The following TRAPPC9 variants were observed in gnomAD, a reference collection of about 807,000 sequenced individuals.
TRAPPC9 encodes the protein IKK2 binding protein.
TRAPPC9 carries 83 observed loss-of-function variants against 124.0 expected under a neutral mutation model. The observed-to-expected ratio is 0.67, with a 90% CI of 0.56 to 0.80. TRAPPC9 has a LOEUF of 0.80. TRAPPC9 is among the 30% of genes least tolerant of loss of function. The pLI is 0.00. For missense variants in TRAPPC9, 1,302 were observed against 1,508.3 expected (o/e 0.86, Z 2.27); for synonymous variants, 638 against 617.5 (o/e 1.03, Z -0.49).
chr8:140,009,779 C>T (rs371473228), intron 18 of TRAPPC9, among the ~76,000 whole-genome samples: 1 of 152,240 alleles, frequency 6.6e-6, no homozygotes, highest in Non-Finnish European at 1.5e-5. Context: ...TTGCTGTCTA[C>T]ACAACCTGCT....
rs565338316 is a variant in TRAPPC9 at position 139,742,263 on chromosome 8, C to G, written c.3056-10061G>C. On this transcript the variant is annotated intron_variant, in intron 21 of 22. Transcript: ENST00000438773. The surrounding 1 kb of genome is among the most constrained non-coding windows in gnomAD (Gnocchi z 4.7). ...TCACGTGCGTTCTCCCGATCTACCC[C>G]CAACCGGCCATGCTGCCGGCGCTCA... 4.6e-5 allele frequency among the ~76,000 whole-genome samples: 7 copies of G among 152,338 alleles called. No individual in the cohort carries two copies. The South Asian group carries it at 1.0e-3, about 23-fold the overall frequency.
intron 11 of TRAPPC9, among the ~76,000 whole-genome samples, chr8:140,294,903 C>A (rs778142812): frequency 5.3e-5 from 8 of 152,194 alleles, no homozygotes; most frequent in Non-Finnish European, 7.3e-5. Context: ...TGAGCCACCA[C>A]ACCCAGCCTG....
chr8:139,939,657 G>A (rs1833778259), intron 19 of TRAPPC9, among the ~76,000 whole-genome samples: 1 of 152,260 alleles, frequency 6.6e-6, no homozygotes, highest in South Asian at 2.1e-4. Flanking sequence ...GTCGCTGGGG[G>A]CTCTGTGCCT....
At chr8:140,037,369 A>T (rs1368131999) in intron 17 of TRAPPC9, among the ~76,000 whole-genome samples, 1 of 152,150 alleles carries the variant, frequency 6.6e-6, no homozygotes, top group Non-Finnish European at 1.5e-5. Context: ...TCAGTATTCA[A>T]CAGTGAGAAA....
chr8:139,980,766 G>T (rs866820784), intron 19 of TRAPPC9, among the ~76,000 whole-genome samples: 3 of 152,208 alleles, frequency 2.0e-5, no homozygotes, highest in Non-Finnish European at 4.4e-5. Context: ...GTTCATCTCA[G>T]CCCAGCAAGT....
chr8:139,913,759 C>T (rs1831915824), intron 19 of TRAPPC9, among the ~76,000 whole-genome samples: 1 of 152,212 alleles, frequency 6.6e-6, no homozygotes, highest in Non-Finnish European at 1.5e-5. Context: ...CCTAAGGTCA[C>T]CCAGCTTCAA....
At chr8:140,085,849 A>G (rs1483151011) in intron 17 of TRAPPC9, among the ~76,000 whole-genome samples, 3 of 152,178 alleles carry the variant, frequency 2.0e-5, no homozygotes, top group Non-Finnish European at 4.4e-5. Context: ...CATTTCTCTG[A>G]TTCATTGTTA....
chr8:139,855,031 G>T (rs945604848), intron 21 of TRAPPC9, among the ~76,000 whole-genome samples: 2 of 152,210 alleles, frequency 1.3e-5, no homozygotes, highest in Non-Finnish European at 2.9e-5. Context: ...TCCTGAGGCA[G>T]ATGCGTCAAT....
At chr8:140,284,321 A>AGATTATTTTTTTTTTTTT (rs2065423558) in intron 13 of TRAPPC9, among the ~76,000 whole-genome samples, 1 of 152,246 alleles carries the variant, frequency 6.6e-6, no homozygotes, top group Non-Finnish European at 1.5e-5. Flanking sequence ...AATAATCAGT[A>AGATTATTTTTTTTTTTTT]TCTCATCCCT....
intron 21 of TRAPPC9, among the ~76,000 whole-genome samples, chr8:139,799,929 T>A (rs1823356069): frequency 1.3e-5 from 2 of 152,022 alleles, no homozygotes; most frequent in South Asian, 2.1e-4. Context: ...AGGAAACTAA[T>A]CACGAGAGGG....
At chr8:139,993,465 T>C (rs567743175) in intron 18 of TRAPPC9, among the ~76,000 whole-genome samples, 27 of 152,350 alleles carry the variant, frequency 1.8e-4, no homozygotes, top group Admixed American at 1.6e-3. Flanking sequence ...CTGTCACTGC[T>C]GGTAGGGATA....
intron 21 of TRAPPC9, among the ~76,000 whole-genome samples, chr8:139,803,972 T>C (rs1038831916): frequency 6.6e-6 from 1 of 151,868 alleles, no homozygotes; most frequent in Non-Finnish European, 1.5e-5. Flanking sequence ...CTCCAGTGAA[T>C]CCCTCAAGTC....
At chr8:140,308,338 G>A (rs900494906) in intron 10 of TRAPPC9, among the ~76,000 whole-genome samples, 3 of 150,146 alleles carry the variant, frequency 2.0e-5, no homozygotes, top group Non-Finnish European at 3.0e-5. Context: ...AGTAGGCTAC[G>A]AGATACTCCG....
intron 21 of TRAPPC9, among the ~76,000 whole-genome samples, chr8:139,858,828 G>GT (rs201817639): frequency 2.2e-3 from 310 of 143,134 alleles, no homozygotes; most frequent in African/African-American, 9.0e-3. Flanking sequence ...GAATCCGGGG[G>GT]GGGCACAGTC....
chr8:140,039,021 G>A (rs1183953629), intron 17 of TRAPPC9, among the ~76,000 whole-genome samples: 2 of 152,224 alleles, frequency 1.3e-5, no homozygotes, highest in African/African-American at 4.8e-5. Flanking sequence ...CAGGGTCAAA[G>A]CCTCAGGTCA....
intron 17 of TRAPPC9, among the ~76,000 whole-genome samples, chr8:140,035,796 C>T (rs1840838094): frequency 1.3e-5 from 2 of 152,180 alleles, no homozygotes; most frequent in Admixed American, 6.5e-5. Flanking sequence ...AAGCGTCTTT[C>T]GATGCCTTGC....
intron 18 of TRAPPC9, among the ~76,000 whole-genome samples, chr8:140,010,590 G>A (rs576034827): frequency 5.5e-4 from 84 of 152,180 alleles, no homozygotes; most frequent in African/African-American, 1.9e-3. Flanking sequence ...ACATAAAGAT[G>A]GTTTACCTTA....
intron 21 of TRAPPC9, among the ~76,000 whole-genome samples, chr8:139,792,229 T>TG (rs1209238439): frequency 1.3e-5 from 2 of 151,914 alleles, no homozygotes; most frequent in Non-Finnish European, 2.9e-5. Context: ...GGTCCTGAGA[T>TG]GGGGGGTGGC....
At chr8:139,869,922 G>A (rs547521089) in intron 21 of TRAPPC9, among the ~76,000 whole-genome samples, 6 of 151,622 alleles carry the variant, frequency 4.0e-5, no homozygotes, top group South Asian at 2.1e-4. Flanking sequence ...AGGGACCACC[G>A]GAAAATTCAT....
Sources: allele counts gnomAD v4.1 joint callset (sites outside exome capture counted in the v4.1 genomes callset), GRCh38; gene constraint gnomAD v4.1.1; non-coding constraint Gnocchi (gnomAD v3.1); transcripts MANE v1.5; gene names NCBI Gene and HGNC (gene_info 2026-07-23, HGNC 2026-07-21).